The following TC2N variants were observed in gnomAD, a reference collection of about 807,000 sequenced individuals.
The protein encoded by TC2N is tandem C2 domains, nuclear.
TC2N carries 51 observed loss-of-function variants against 61.9 expected under a neutral mutation model. The ratio of observed to expected loss-of-function variants is 0.82; its 90% CI spans 0.66 to 1.04. The LOEUF (loss-of-function observed/expected upper bound fraction) is 1.04. Ranked by LOEUF, TC2N falls within the 50% of genes least tolerant of loss-of-function variation. The pLI, the probability that TC2N is intolerant of heterozygous loss-of-function variation, is 0.00. For synonymous variants in TC2N, 204 were observed against 192.6 expected (o/e 1.06, Z -0.49); for missense variants, 556 against 566.7 (o/e 0.98, Z 0.19).
rs1260868672 is a variant in TC2N at position 91,837,269 on chromosome 14, G to A, written c.-56-23444C>T. Reference sequence around the variant, plus strand: ...GAGGTTCTGTCGCCCAGGCTGGAGTGTAGCGGTGCGCCCGTGGCTCAGTGC... The same window carrying A: ...GAGGTTCTGTCGCCCAGGCTGGAGTATAGCGGTGCGCCCGTGGCTCAGTGC... On this transcript the variant is annotated intron_variant, in intron 1 of 11. Coordinates refer to ENST00000435962, the MANE Select transcript of TC2N (RefSeq NM_001128596.3). This position sits in a 1 kb window ranked among gnomAD's most constrained non-coding sequence, Gnocchi z 4.2. 2.0e-5 allele frequency among the ~76,000 whole-genome samples: 3 copies of A among 152,248 alleles called. No homozygotes were observed. The highest frequency in any genetic ancestry group is 7.2e-5 in the African/African-American group (3 of 41,466).
chr14:91,821,218 A>C (rs1887238315), intron 1 of TC2N, among the ~76,000 whole-genome samples: 1 of 152,056 alleles, frequency 6.6e-6, no homozygotes, highest in South Asian at 2.1e-4. Context: ...CTAACTTCAA[A>C]ATTTACTACA....
At position 91,848,691 on chromosome 14, in the gene TC2N, C is replaced by T. The variant is rs1367228408; in HGVS notation, c.-57+18571G>A. ...TGGGAAGATTACTTCTCCCTGGATC[C>T]GTCTACTCACATGAAAAATGAAGGG... On this transcript the variant is annotated intron_variant, in intron 1 of 11. Transcript: ENST00000435962. Among the ~76,000 whole-genome samples the T allele has an allele frequency of 4.6e-5, 7 of 152,274 alleles. No homozygotes were observed. The South Asian group carries it at 8.3e-4, about 18-fold the overall frequency.
At chr14:91,790,508 T>TA (rs1367360209) in intron 9 of TC2N, among the ~76,000 whole-genome samples, 20 of 152,208 alleles carry the variant, frequency 1.3e-4, no homozygotes, top group Non-Finnish European at 2.4e-4. Flanking sequence ...TATCAATCTA[T>TA]AACCCTAGCA....
chr14:91,833,063 G>C (rs1261269351), intron 1 of TC2N, among the ~76,000 whole-genome samples: 2 of 152,182 alleles, frequency 1.3e-5, no homozygotes, highest in East Asian at 1.9e-4. Context: ...AAACCATATA[G>C]AGAATCAAGG....
Position 91,787,695 on chromosome 14 carries a change from G to A in TC2N, c.1048-68C>T, listed in dbSNP as rs1385720157. On this transcript the variant is annotated intron_variant, in intron 9 of 11. Transcript: ENST00000435962. ...TTTTGAAACAATTCAAAAATTAAAA[G>A]ATAAAAAGCTAAGGTTAGAAATTTT... 3 of 896,212 alleles carry A rather than the reference G, an allele frequency of 3.3e-6. No individual in the cohort carries two copies. The African/African-American group carries it at 5.2e-5, about 15-fold the overall frequency. The allele number at this position is 896,212 out of a possible 1,614,324, so 55.5% of individuals were successfully genotyped here.
rs1888639713 is a variant in TC2N at position 91,863,763 on chromosome 14, A to G, written c.-57+3499T>C. On this transcript the variant is annotated intron_variant, in intron 1 of 11. Transcript: ENST00000435962. The stretch of plus-strand genomic sequence containing the variant: ...CACTTTAGGAGGCCAAGGTGAAAGG[A>G]TCACTTGACGCCAGGAGCTCAAGAT... Among the ~76,000 whole-genome samples, 3 of 148,856 alleles carry G rather than the reference A, an allele frequency of 2.0e-5. No homozygotes were observed. In the Admixed American group the frequency reaches 2.1e-4, roughly 10 times the overall value.
intron 1 of TC2N, among the ~76,000 whole-genome samples, chr14:91,819,305 G>T (rs906723742): frequency 2.6e-5 from 4 of 151,994 alleles, no homozygotes; most frequent in Non-Finnish European, 5.9e-5. Flanking sequence ...ACTCCAGCCT[G>T]GGTGACACAG....
chr14:91,784,090 T>C (rs559926595), intron 11 of TC2N, among the ~76,000 whole-genome samples: 18 of 152,218 alleles, frequency 1.2e-4, no homozygotes, highest in African/African-American at 3.4e-4. Context: ...CTATACCAGA[T>C]AAGCCATACG....
At chr14:91,853,953 T>C (rs1360926321) in intron 1 of TC2N, among the ~76,000 whole-genome samples, 2 of 152,156 alleles carry the variant, frequency 1.3e-5, no homozygotes, top group East Asian at 3.8e-4. Context: ...AAAATATTCG[T>C]GTAACCTAGT....
intron 1 of TC2N, among the ~76,000 whole-genome samples, chr14:91,832,335 A>G (rs1009874178): frequency 6.0e-5 from 9 of 150,666 alleles, no homozygotes; most frequent in Non-Finnish European, 1.0e-4. Flanking sequence ...AGTTGCAGTG[A>G]GCCAGGATCA....
At chr14:91,797,674 G>T (rs1885962495) in intron 8 of TC2N, 111 bp downstream of exon 8, 9 of 717,742 alleles carry the variant, frequency 1.3e-5, no homozygotes, top group South Asian at 1.2e-4. Context: ...CATAGTTGTA[G>T]TTTCCCTAAG....
chr14:91,830,916 C>T (rs1434500245), intron 1 of TC2N, among the ~76,000 whole-genome samples: 6 of 152,114 alleles, frequency 3.9e-5, no homozygotes, highest in African/African-American at 9.7e-5. Context: ...TCGCCCTTCT[C>T]GTGACATCAC....
chr14:91,790,122 T>G (rs1885573675), intron 9 of TC2N, among the ~76,000 whole-genome samples: 1 of 152,232 alleles, frequency 6.6e-6, no homozygotes, highest in Non-Finnish European at 1.5e-5. Context: ...AATTAGATCA[T>G]TAGATCACGT....
At chr14:91,809,552 T>C (rs1329411918) in intron 3 of TC2N, among the ~76,000 whole-genome samples, 2 of 151,944 alleles carry the variant, frequency 1.3e-5, no homozygotes, top group Non-Finnish European at 2.9e-5. Flanking sequence ...AGAAAAGTAA[T>C]ACAGATCTGG....
At position 91,837,485 on chromosome 14, in the gene TC2N, G is replaced by T. The variant is rs1278354783; in HGVS notation, c.-56-23660C>A. On this transcript the variant is annotated intron_variant, in intron 1 of 11. Transcript: ENST00000435962. This position sits in a 1 kb window ranked among gnomAD's most constrained non-coding sequence, Gnocchi z 4.2. The stretch of plus-strand genomic sequence containing the variant: ...TCCTCCCACCTCTGCCTCCCAAAGT[G>T]CTCCACCTCCCAAAGTGCTGGGATT... Among the ~76,000 whole-genome samples, 8 of 152,308 alleles carry T rather than the reference G, an allele frequency of 5.3e-5. 1 individual carries two copies. The highest frequency in any genetic ancestry group is 5.2e-4 in the Admixed American group (8 of 15,308).
intron 1 of TC2N, among the ~76,000 whole-genome samples, chr14:91,838,853 G>T (rs752501968): frequency 1.1e-4 from 16 of 152,290 alleles, no homozygotes; most frequent in Admixed American, 8.5e-4. Context: ...CCTCCTTCCT[G>T]TTCTATCTGA....
chr14:91,856,248 G>A (rs1413398549), intron 1 of TC2N, among the ~76,000 whole-genome samples: 2 of 152,140 alleles, frequency 1.3e-5, no homozygotes, highest in African/African-American at 4.8e-5. Flanking sequence ...CAGCATTTTG[G>A]GAGGCAGAGG....
chr14:91,865,861 C>A (rs181827700), intron 1 of TC2N, among the ~76,000 whole-genome samples: 7 of 152,166 alleles, frequency 4.6e-5, no homozygotes, highest in Non-Finnish European at 1.0e-4. Context: ...GCATAAACCC[C>A]TGGCTAAAGG....
At chr14:91,857,614 A>G (rs1319525477) in intron 1 of TC2N, among the ~76,000 whole-genome samples, 2 of 152,250 alleles carry the variant, frequency 1.3e-5, no homozygotes, top group African/African-American at 4.8e-5. Flanking sequence ...GTGAGGCTCA[A>G]AGAACCTCAG....
Sources: gnomAD v4.1 joint callset for allele counts (sites outside exome capture counted in the v4.1 genomes callset) on GRCh38, gnomAD v4.1.1 for gene constraint, Gnocchi (gnomAD v3.1) non-coding constraint, MANE v1.5 for transcripts, NCBI Gene and HGNC (gene_info 2026-07-23, HGNC 2026-07-21) for gene names.